MYO5B: variants seen among roughly 807,000 people sequenced by gnomAD.
MYO5B encodes the protein unconventional myosin-Vb.
A neutral mutation model predicts 229.3 loss-of-function variants in MYO5B; 143 were observed. That is an observed-to-expected ratio of 0.62 (90% CI 0.54 to 0.72). MYO5B has a LOEUF of 0.72. Ranked by LOEUF, MYO5B falls within the 30% of genes least tolerant of loss-of-function variation. The pLI, the probability that MYO5B is intolerant of heterozygous loss-of-function variation, is 0.00. For missense variants in MYO5B, 2,321 were observed against 2,331.0 expected (o/e 1.00, Z 0.09); for synonymous variants, 918 against 885.2 (o/e 1.04, Z -0.66).
chr18:50,138,298 A>T (rs2032366351), intron 1 of MYO5B, among the ~76,000 whole-genome samples: 2 of 152,152 alleles, frequency 1.3e-5, no homozygotes, highest in South Asian at 4.1e-4. Flanking sequence ...GAATCACTTC[A>T]ATCTCCACAA....
intron 36 of MYO5B, among the ~76,000 whole-genome samples, chr18:49,838,155 A>G (rs1221239011): frequency 6.6e-5 from 10 of 152,200 alleles, no homozygotes; most frequent in African/African-American, 1.9e-4. Context: ...TAAGAGCTTC[A>G]TTGGTCCGTC....
chr18:49,981,733 A>G (rs1030432205), intron 8 of MYO5B, among the ~76,000 whole-genome samples: 1 of 152,224 alleles, frequency 6.6e-6, no homozygotes, highest in African/African-American at 2.4e-5. Flanking sequence ...ACAGGCTGCA[A>G]GTATTTGCAG....
At chr18:49,935,176 T>G (rs1490500812) in intron 16 of MYO5B, among the ~76,000 whole-genome samples, 1 of 152,178 alleles carries the variant, frequency 6.6e-6, no homozygotes, top group Non-Finnish European at 1.5e-5. Flanking sequence ...TTCATGGGAC[T>G]TTGACGTCAG....
intron 1 of MYO5B, among the ~76,000 whole-genome samples, chr18:50,058,667 C>T (rs528900092): frequency 3.9e-5 from 6 of 152,156 alleles, no homozygotes; most frequent in African/African-American, 1.4e-4. Context: ...AAAAATTAGC[C>T]GGGCGTGGTG....
At chr18:49,900,187 C>A (rs1397752033) in intron 21 of MYO5B, among the ~76,000 whole-genome samples, 1 of 152,250 alleles carries the variant, frequency 6.6e-6, no homozygotes, top group Non-Finnish European at 1.5e-5. Context: ...TTTGACTAAG[C>A]AAGTCTTTTC....
intron 7 of MYO5B, among the ~76,000 whole-genome samples, chr18:49,986,629 G>T (rs1031819147): frequency 1.3e-5 from 2 of 152,218 alleles, no homozygotes; most frequent in Non-Finnish European, 1.5e-5. Context: ...GTAGAAGACA[G>T]CATTTTAGCT....
intron 2 of MYO5B, among the ~76,000 whole-genome samples, chr18:50,049,085 T>G (rs1598981295): frequency 6.7e-6 from 1 of 149,710 alleles, no homozygotes; most frequent in Non-Finnish European, 1.5e-5. Flanking sequence ...CAAGGGTGAG[T>G]GGAGTAGCAT....
chr18:49,905,695 A>G (rs2144149173), intron 19 of MYO5B, among the ~76,000 whole-genome samples: 1 of 152,278 alleles, frequency 6.6e-6, no homozygotes, highest in South Asian at 2.1e-4. Context: ...TGGAGAGGGC[A>G]CTGGACTTGA....
intron 1 of MYO5B, among the ~76,000 whole-genome samples, chr18:50,077,172 A>AAAAAAAAAAAAC (rs2031101531): frequency 7.1e-6 from 1 of 140,354 alleles, no homozygotes; most frequent in Non-Finnish European, 1.5e-5. Flanking sequence ...GCAAAGTAAA[A>AAAAAAAAAAAAC]AAAAAAAAAA....
rs531965925 is a variant in MYO5B, at chr18:49,926,862, C to A, written c.2090+2650G>T. 3.3e-5 allele frequency among the ~76,000 whole-genome samples: 5 copies of A among 152,286 alleles called. No individual in the cohort carries two copies. The South Asian group carries it at 1.0e-3, about 32-fold the overall frequency. ...GCCTTAACAAGGAAGAAAGTTTTGA[C>A]ACACGCTTCAACATGGATGAAGCTT... On this transcript the variant is annotated intron_variant, in intron 17 of 39. Coordinates refer to ENST00000285039, the MANE Select transcript of MYO5B (RefSeq NM_001080467.3).
intron 14 of MYO5B, chr18:49,946,532 C>T (rs1158340141): frequency 6.6e-6 from 1 of 152,166 alleles, no homozygotes; most frequent in Non-Finnish European, 1.5e-5. Flanking sequence ...AAGATTTCAG[C>T]CCCTTTCTCC....
At chr18:49,869,736 T>C (rs2024436698) in intron 27 of MYO5B, among the ~76,000 whole-genome samples, 1 of 151,842 alleles carries the variant, frequency 6.6e-6, no homozygotes, top group South Asian at 2.1e-4. Context: ...CAGACTTGAG[T>C]GGGCAACAGA....
intron 8 of MYO5B, among the ~76,000 whole-genome samples, chr18:49,981,730 G>A (rs1273783589): frequency 6.6e-6 from 1 of 152,182 alleles, no homozygotes; most frequent in Non-Finnish European, 1.5e-5. Flanking sequence ...TACACAGGCT[G>A]CAAGTATTTG....
intron 23 of MYO5B, 68 bp downstream of exon 23, chr18:49,880,303 C>G (rs2024572714): frequency 7.3e-7 from 1 of 1,361,518 alleles, no homozygotes; most frequent in Non-Finnish European, 1.1e-6. Flanking sequence ...TGCTAGGAGT[C>G]TTTGGGAGAA....
chr18:49,954,438 G>A lies in MYO5B; in HGVS notation c.1546-3C>T. 6.2e-6 allele frequency: 10 copies of A among 1,613,900 alleles called. No homozygotes were observed. The highest frequency in any genetic ancestry group is 8.5e-6 in the Non-Finnish European group (10 of 1,179,870). ...TTCTGGTCAGTTCCTTTGGGGACCT[G>A]CAGAACCACAAGATAGGGCAGAGCG... On this transcript the variant is annotated splice_polypyrimidine_tract_variant and splice_region_variant and intron_variant, in intron 12 of 39. Transcript: ENST00000285039.
intron 1 of MYO5B, among the ~76,000 whole-genome samples, chr18:50,100,339 C>A (rs951915295): frequency 6.6e-6 from 1 of 152,210 alleles, no homozygotes; most frequent in Non-Finnish European, 1.5e-5. Flanking sequence ...TTGTGTTGCA[C>A]CAGCAAAAGC....
chr18:49,974,526 G>A lies in MYO5B; in HGVS notation c.1146C>T (p.Val382=). The part of the protein sequence containing the change: ...MEHWLCHRKL[V]TTSETYVKTM... ...TCTTGACGTAGGTCTCCGAGGTGGT[G>A]ACCAGCTTGCGATGACACAGCCAGT... Residue 382 remains valine (V), a synonymous_variant, in exon 10 of 40, where the codon GTC becomes GTT. Transcript: ENST00000285039. 2.5e-6 allele frequency: 4 copies of A among 1,614,146 alleles called. No individual in the cohort carries two copies. The highest frequency in any genetic ancestry group is 2.5e-6 in the Non-Finnish European group (3 of 1,180,016).
At chr18:50,168,455 G>T (rs1183290220) in intron 1 of MYO5B, among the ~76,000 whole-genome samples, 1 of 152,234 alleles carries the variant, frequency 6.6e-6, no homozygotes, top group Non-Finnish European at 1.5e-5. Flanking sequence ...TGTCAAAGAG[G>T]AGTGGAACAG....
At chr18:50,164,843 A>G (rs1568130277) in intron 1 of MYO5B, among the ~76,000 whole-genome samples, 1 of 152,182 alleles carries the variant, frequency 6.6e-6, no homozygotes, top group African/African-American at 2.4e-5. Flanking sequence ...GGTTTCTATC[A>G]TAAGAGTAAA....
Sources: allele counts gnomAD v4.1 joint callset (sites outside exome capture counted in the v4.1 genomes callset), GRCh38; gene constraint gnomAD v4.1.1; transcripts MANE v1.5; gene names NCBI Gene and HGNC (gene_info 2026-07-23, HGNC 2026-07-21).